ACAD11: variants seen among roughly 807,000 people sequenced by gnomAD.
The protein encoded by ACAD11 is acyl-CoA dehydrogenase family member 11.
Under a neutral mutation model 102.2 loss-of-function variants are expected in ACAD11, and 83 were observed. That is an observed-to-expected ratio of 0.81 (90% CI 0.68 to 0.97). The LOEUF (loss-of-function observed/expected upper bound fraction) is 0.97. Among genes scored for constraint, ACAD11 ranks in the 50% least tolerant of loss-of-function variants. ACAD11 has a pLI of 0.00. For missense variants in ACAD11, 901 were observed against 951.7 expected, an observed-to-expected ratio of 0.95 and a Z score of 0.70; for synonymous variants, 324 against 319.8, an observed-to-expected ratio of 1.01 and a Z score of -0.14.
chr3:132,574,870 C>T (rs2107790474), intron 17 of ACAD11, among the ~76,000 whole-genome samples: 1 of 152,254 alleles, frequency 6.6e-6, no homozygotes. Flanking sequence ...GAGTCTCGCT[C>T]TGTCGCCAGG....
chr3:132,563,823 G>A (rs1252166911), intron 17 of ACAD11, among the ~76,000 whole-genome samples: 1 of 152,056 alleles, frequency 6.6e-6, no homozygotes, highest in African/African-American at 2.4e-5. Flanking sequence ...TCATAAATTG[G>A]AATAGTGAGG....
At chr3:132,621,486 A>C (rs1463446380) in intron 9 of ACAD11, among the ~76,000 whole-genome samples, 4 of 152,200 alleles carry the variant, frequency 2.6e-5, no homozygotes, top group Non-Finnish European at 5.9e-5. Flanking sequence ...AACTAGGGCA[A>C]AATAAAGGTA....
chr3:132,603,103 T>C, intron 13 of ACAD11, 126 bp downstream of exon 13: 13 of 852,726 alleles, frequency 1.5e-5, no homozygotes, highest in South Asian at 1.5e-4. Context: ...GCACCTGGCC[T>C]ACACATGCAG....
At chr3:132,573,617 G>A (rs1937446620) in intron 17 of ACAD11, among the ~76,000 whole-genome samples, 1 of 152,164 alleles carries the variant, frequency 6.6e-6, no homozygotes, top group African/African-American at 2.4e-5. Flanking sequence ...GTTGCTGGTG[G>A]TGAATAAATA....
In ACAD11 at chr3:132,576,927, T is replaced by C; in HGVS notation, c.1846+17A>G. 6.4e-7 allele frequency: 1 copy of C among 1,568,890 alleles called. No individual in the cohort carries two copies. Among genetic ancestry groups the C allele is most frequent in the Non-Finnish European group, 8.8e-7 (1 of 1,140,712 alleles). On this transcript the variant is annotated intron_variant, in intron 16 of 19. Coordinates refer to ENST00000264990, the MANE Select transcript of ACAD11 (RefSeq NM_032169.5). ...TTAATGTACAATACTGAAGAATCAT[T>C]TCCAAATTCAACTCACCTAGTATTA...
chr3:132,567,103 C>T (rs764931375), intron 17 of ACAD11, among the ~76,000 whole-genome samples: 6 of 152,020 alleles, frequency 3.9e-5, no homozygotes, highest in African/African-American at 9.7e-5. Flanking sequence ...CTCAGCCTCC[C>T]GAATAGCTGG....
intron 1 of ACAD11, among the ~76,000 whole-genome samples, chr3:132,645,494 C>A (rs1031680620): frequency 3.3e-5 from 5 of 152,178 alleles, no homozygotes; most frequent in African/African-American, 1.2e-4. Context: ...AACAGAAATT[C>A]TCACCTAAAC....
chr3:132,643,882 A>G (rs1385902969), intron 2 of ACAD11, among the ~76,000 whole-genome samples: 1 of 152,134 alleles, frequency 6.6e-6, no homozygotes, highest in Non-Finnish European at 1.5e-5. Context: ...TTGGGCTGAG[A>G]GCATTATGCC....
intron 4 of ACAD11, among the ~76,000 whole-genome samples, chr3:132,640,230 C>T (rs908941752): frequency 2.6e-5 from 4 of 151,890 alleles, no homozygotes; most frequent in African/African-American, 9.7e-5. Context: ...GCTGGGATTA[C>T]AGATGCATAC....
At chr3:132,563,105 T>C (rs1305804065) in intron 17 of ACAD11, among the ~76,000 whole-genome samples, 2 of 152,196 alleles carry the variant, frequency 1.3e-5, no homozygotes, top group African/African-American at 4.8e-5. Context: ...TGAACTGCCT[T>C]TGCACCTATG....
intron 13 of ACAD11, among the ~76,000 whole-genome samples, chr3:132,587,317 T>C (rs1937883784): frequency 1.3e-5 from 2 of 152,350 alleles, no homozygotes; most frequent in South Asian, 4.1e-4. Context: ...TTCATTTCTT[T>C]ACATCTTTTC....
chr3:132,631,330 T>C lies in ACAD11; in HGVS notation c.841+11A>G. On this transcript the variant is annotated intron_variant, in intron 6 of 19. Coordinates refer to ENST00000264990, the MANE Select transcript of ACAD11 (RefSeq NM_032169.5). ...ATTAATAGCAATTTAGACAACATTA[T>C]GTTTTTATACCTGAGTTTTCACTAT... 4 of 1,401,658 alleles carry C rather than the reference T, an allele frequency of 2.9e-6. No individual in the cohort carries two copies. Among genetic ancestry groups the C allele is most frequent in the East Asian group, 2.7e-5 (1 of 37,622 alleles). 86.8% of individuals were successfully genotyped at this position (1,401,658 alleles called of 1,614,324 possible).
rs200992632 is a variant in ACAD11 at position 132,594,380 on chromosome 3, TAA to T, written c.1621+8847_1621+8848del. On this transcript the variant is annotated intron_variant, in intron 13 of 19. Transcript: ENST00000264990. ...GATGGCATCATAAAATAAAGAGATA[TAA>T]GAGATAAGATGATAAAATAGACTAA... 5.9e-3 allele frequency among the ~76,000 whole-genome samples: 900 copies of T among 152,180 alleles called. 11 individuals are homozygous for T. Among genetic ancestry groups the T allele is most frequent in the African/African-American group, 0.021 (857 of 41,526 alleles).
chr3:132,656,942 A>T (rs1010743854), intron 1 of ACAD11, among the ~76,000 whole-genome samples: 1 of 151,840 alleles, frequency 6.6e-6, no homozygotes, highest in African/African-American at 2.4e-5. Context: ...GTGAGCTATT[A>T]TAGTTATATT....
chr3:132,583,586 T>G (rs1225009936), intron 13 of ACAD11, among the ~76,000 whole-genome samples: 2 of 152,234 alleles, frequency 1.3e-5, no homozygotes, highest in African/African-American at 4.8e-5. Context: ...TCTTGCCTTC[T>G]GCTAGCTTTT....
At position 132,558,893 on chromosome 3, in the gene ACAD11, T is replaced by G. The variant is rs1020855086; in HGVS notation, c.*78A>C. The G allele has an allele frequency of 1.3e-3, 1,329 of 1,007,046 alleles. No homozygotes were observed. Among genetic ancestry groups the G allele is most frequent in the Non-Finnish European group, 1.8e-3 (1,158 of 659,508 alleles). The allele number at this position is 1,007,046 out of a possible 1,614,324, so 62.4% of individuals were successfully genotyped here. A position where few individuals can be genotyped will look rare whatever the true frequency, so the allele number is the denominator to read the frequency against. ...CTGTGCTCAAACTGCTACAAAAATATGAGATTCAAATGTTGGAGCCAATGA... is the reference window on the plus strand; with the variant it reads ...CTGTGCTCAAACTGCTACAAAAATAGGAGATTCAAATGTTGGAGCCAATGA... On this transcript the variant is annotated 3_prime_UTR_variant, in exon 20 of 20. Transcript: ENST00000264990.
chr3:132,601,680 G>T (rs1361562488), intron 13 of ACAD11: 1 of 481,870 alleles, frequency 2.1e-6, no homozygotes, highest in African/African-American at 2.0e-5. Context: ...ATTGTAACAG[G>T]CATAAGTGAA....
rs904291153 is a variant in ACAD11 at position 132,580,122 on chromosome 3, A to C, written c.1622-564T>G. On this transcript the variant is annotated intron_variant, in intron 13 of 19. Transcript: ENST00000264990. ...CTTGGGAAAACTACCATTTGACTAG[A>C]TTTTCAATTACAAGGCTGCACACAA... 2.6e-5 allele frequency among the ~76,000 whole-genome samples: 4 copies of C among 152,180 alleles called. No homozygotes were observed. In the Middle Eastern group the frequency reaches 0.014, roughly 518 times the overall value.
At chr3:132,598,866 G>A (rs1474189810) in intron 13 of ACAD11, among the ~76,000 whole-genome samples, 1 of 152,186 alleles carries the variant, frequency 6.6e-6, no homozygotes, top group Non-Finnish European at 1.5e-5. Context: ...CTTGGATTGT[G>A]GCTTTCAGGT....
Sources: gnomAD v4.1 joint callset for allele counts (sites outside exome capture counted in the v4.1 genomes callset) on GRCh38, gnomAD v4.1.1 for gene constraint, MANE v1.5 for transcripts, NCBI Gene and HGNC (gene_info 2026-07-23, HGNC 2026-07-21) for gene names.